The following DYSF variants were observed in gnomAD, a reference collection of about 807,000 sequenced individuals.
DYSF encodes dysferlin, also known as dystrophy-associated fer-1-like 1.
DYSF carries 212 observed loss-of-function variants against 274.9 expected under a neutral mutation model. That is an observed-to-expected ratio of 0.77 (90% CI 0.69 to 0.86). The LOEUF (loss-of-function observed/expected upper bound fraction) is 0.86, where lower values mean the gene tolerates loss of function less well. DYSF is among the 40% of genes least tolerant of loss of function. DYSF has a pLI of 0.00. For missense variants in DYSF, 2,666 were observed against 2,783.2 expected, an observed-to-expected ratio of 0.96 and a Z score of 0.95; for synonymous variants, 1,091 against 1,078.7, an observed-to-expected ratio of 1.01 and a Z score of -0.22.
At position 71,528,392 on chromosome 2, in the gene DYSF, G is replaced by A. The variant is rs140667960; in HGVS notation, c.1371G>A (p.Ala457=). The change falls in exon 14 of 56, where the codon GCG becomes GCA. Residue 457 remains alanine, a synonymous_variant. Coordinates refer to ENST00000410020, the MANE Select transcript of DYSF (RefSeq NM_001130987.2). ...ACCCCTTTGTGGAGGTCAGCTTTGC[G>A]GGGAAAATGGTAAGGAGCAAGGGAG... ...LVDPFVEVSF[A]GKMLCSKILE... 26 of 1,613,878 alleles carry A rather than the reference G, an allele frequency of 1.6e-5. No homozygotes were observed. Among genetic ancestry groups the A allele is most frequent in the Admixed American group, 6.7e-5 (4 of 60,008 alleles).
At chr2:71,482,416 G>T (rs2082991825) in intron 3 of DYSF, among the ~76,000 whole-genome samples, 1 of 152,214 alleles carries the variant, frequency 6.6e-6, no homozygotes, top group African/African-American at 2.4e-5. Context: ...CTTCATGGAA[G>T]GGGTAGGACT....
At chr2:71,485,128 A>C (rs574601345) in intron 3 of DYSF, among the ~76,000 whole-genome samples, 2 of 152,386 alleles carry the variant, frequency 1.3e-5, no homozygotes, top group East Asian at 3.9e-4. Context: ...CCAAACATTT[A>C]TCTCAGTTTC....
In DYSF at chr2:71,513,243, G is replaced by A; in HGVS notation, c.464G>A (p.Gly155Glu). The change falls in exon 6 of 56, where the codon GGG becomes GAG. Residue 155 changes from glycine to glutamate, a missense_variant. Gly to Glu is a moderately conservative substitution (Grantham distance 98). Around this residue, in one of 3 missense-constraint regions of DYSF, gnomAD observed 794 missense variants for 777.1 expected, o/e 1.02. Coordinates refer to ENST00000410020, the MANE Select transcript of DYSF (RefSeq NM_001130987.2). Reference sequence around the variant, plus strand: ...TTATGCCCTGCCCACAAGACAGGCGGGGGACAGAGCCGGGCCGAGACTTGG... The same window carrying A: ...TTATGCCCTGCCCACAAGACAGGCGAGGGACAGAGCCGGGCCGAGACTTGG... Reference protein sequence around the residue: ...TLPDLDVVAGGGQSRAETWSL... With the variant: ...TLPDLDVVAGEGQSRAETWSL... 6.4e-7 allele frequency: 1 copy of A among 1,551,670 alleles called. No homozygotes were observed. Among genetic ancestry groups the A allele is most frequent in the Non-Finnish European group, 8.7e-7 (1 of 1,146,980 alleles).
At chr2:71,567,304 C>T (rs2092164985) in intron 24 of DYSF, among the ~76,000 whole-genome samples, 1 of 152,152 alleles carries the variant, frequency 6.6e-6, no homozygotes, top group Non-Finnish European at 1.5e-5. Flanking sequence ...TTAGATGATA[C>T]AGTAACCAAA....
Position 71,466,733 on chromosome 2 carries a change from C to A in DYSF, c.-110C>A. The A allele has an allele frequency of 7.1e-7, 1 of 1,403,088 alleles. No homozygotes were observed. Among genetic ancestry groups the A allele is most frequent in the South Asian group, 1.6e-5 (1 of 63,834 alleles). 86.9% of individuals were successfully genotyped at this position (1,403,088 alleles called of 1,614,324 possible). On this transcript the variant is annotated 5_prime_UTR_variant, in exon 1 of 56. Coordinates refer to ENST00000410020, the MANE Select transcript of DYSF (RefSeq NM_001130987.2). ...CGGAGGAGCAGCGAAGGCGACAGCT[C>A]TCTTGGCGCGGCTGCCTGGGAGCCG... is the stretch of plus-strand genomic sequence containing the variant.
Position 71,551,563 on chromosome 2 carries a change from C to T in DYSF, c.1693-44C>T, listed in dbSNP as rs371498031. 756 of 1,532,326 alleles carry T rather than the reference C, an allele frequency of 4.9e-4. 1 individual carries two copies. Among genetic ancestry groups the T allele is most frequent in the Non-Finnish European group, 6.4e-4 (714 of 1,122,700 alleles). The allele number at this position is 1,532,326 out of a possible 1,614,324, so 94.9% of individuals were successfully genotyped here. ...AGGGTGCCCCTTTCCTTCCCCTCCTCCCCTCTGTCTCCCCTGCTCCTTGTG... is the reference window on the plus strand; with the variant it reads ...AGGGTGCCCCTTTCCTTCCCCTCCTTCCCTCTGTCTCCCCTGCTCCTTGTG... On this transcript the variant is annotated intron_variant, in intron 18 of 55. Coordinates refer to ENST00000410020, the MANE Select transcript of DYSF (RefSeq NM_001130987.2).
intron 52 of DYSF, among the ~76,000 whole-genome samples, chr2:71,677,475 G>A (rs144606725): frequency 1.3e-5 from 2 of 152,230 alleles, no homozygotes; most frequent in African/African-American, 2.4e-5. Context: ...ATGGGTCAAA[G>A]ATAGTTAAAT....
chr2:71,481,402 G>T (rs2082881686), intron 2 of DYSF, among the ~76,000 whole-genome samples: 2 of 152,214 alleles, frequency 1.3e-5, no homozygotes, highest in Non-Finnish European at 2.9e-5. Context: ...TGCATGGATG[G>T]GGTCGGATGC....
intron 30 of DYSF, among the ~76,000 whole-genome samples, chr2:71,585,794 T>C (rs930974985): frequency 1.3e-5 from 2 of 152,092 alleles, no homozygotes; most frequent in Non-Finnish European, 2.9e-5. Flanking sequence ...GGCTGGGCTC[T>C]CAGTGGGACA....
intron 1 of DYSF, among the ~76,000 whole-genome samples, chr2:71,471,597 C>T (rs1451136419): frequency 1.3e-5 from 2 of 152,192 alleles, no homozygotes; most frequent in Non-Finnish European, 2.9e-5. Flanking sequence ...GAAATAGCAC[C>T]TGGCCAGCCC....
rs200173633 is a variant in DYSF at position 71,589,701 on chromosome 2, G to A, written c.3496+15G>A. Reference sequence around the variant, plus strand: ...CATATTCGACTGTAAGTGAGGCTTCGAGGCCTCTATGGGGTGATAAGGGTG... The same window carrying A: ...CATATTCGACTGTAAGTGAGGCTTCAAGGCCTCTATGGGGTGATAAGGGTG... On this transcript the variant is annotated intron_variant, in intron 31 of 55. Transcript: ENST00000410020. 83 of 1,610,290 alleles carry A rather than the reference G, an allele frequency of 5.2e-5. No homozygotes were observed. Among genetic ancestry groups the A allele is most frequent in the Middle Eastern group, 3.3e-4 (2 of 6,054 alleles).
intron 3 of DYSF, among the ~76,000 whole-genome samples, chr2:71,501,067 A>T (rs2084924929): frequency 6.6e-6 from 1 of 152,132 alleles, no homozygotes; most frequent in Admixed American, 6.5e-5. Context: ...AGCCCCTAGG[A>T]TGGAGACACT....
chr2:71,618,371 GCA>G (rs1558639425), intron 40 of DYSF, among the ~76,000 whole-genome samples: 1 of 13,122 alleles, frequency 7.6e-5, no homozygotes, highest in Non-Finnish European at 1.6e-4. Flanking sequence ...GGTAGAGGTG[GCA>G]TGTGTGGTAG....
intron 28 of DYSF, 90 bp downstream of exon 28, chr2:71,570,424 T>C (rs1199781717): frequency 2.0e-6 from 3 of 1,472,828 alleles, no homozygotes; most frequent in African/African-American, 1.4e-5. Flanking sequence ...GGCCCTTCAC[T>C]GGGCTATTTC....
intron 3 of DYSF, among the ~76,000 whole-genome samples, chr2:71,492,052 G>A (rs1387282368): frequency 2.0e-5 from 3 of 152,128 alleles, no homozygotes; most frequent in Non-Finnish European, 2.9e-5. Flanking sequence ...TGTTTTCAGC[G>A]GGCCCGAAAG....
intron 19 of DYSF, among the ~76,000 whole-genome samples, chr2:71,552,196 C>G (rs1335338326): frequency 6.6e-6 from 1 of 152,088 alleles, no homozygotes; most frequent in Non-Finnish European, 1.5e-5. Flanking sequence ...GGCCTTGTGT[C>G]CAGGAGGTAG....
upstream of DYSF, among the ~76,000 whole-genome samples, chr2:71,463,607 C>T (rs932926769): frequency 6.6e-6 from 1 of 152,270 alleles, no homozygotes; most frequent in African/African-American, 2.4e-5. Flanking sequence ...TCCATAGTAT[C>T]ATCCTGTACC....
intron 51 of DYSF, among the ~76,000 whole-genome samples, chr2:71,673,739 A>G (rs1159349188): frequency 2.6e-5 from 4 of 152,136 alleles, no homozygotes; most frequent in African/African-American, 7.2e-5. Flanking sequence ...GTCTTGGACA[A>G]ATTACTTGCT....
chr2:71,651,629 G>A (rs1572965773), intron 42 of DYSF, among the ~76,000 whole-genome samples: 1 of 152,152 alleles, frequency 6.6e-6, no homozygotes, highest in African/African-American at 2.4e-5. Context: ...TCACAGCAGA[G>A]AAAATATTAA....
Sources: allele counts gnomAD v4.1 joint callset (sites outside exome capture counted in the v4.1 genomes callset), GRCh38; gene constraint gnomAD v4.1.1; regional missense constraint gnomAD v4.1.1; transcripts MANE v1.5; gene names NCBI Gene and HGNC (gene_info 2026-07-23, HGNC 2026-07-21).